The following TMCC1 variants were observed in gnomAD, a reference collection of about 807,000 sequenced individuals.
TMCC1 encodes transmembrane and coiled-coil domain family 1, also known as transmembrane and coiled-coil domains protein 1.
A neutral mutation model predicts 52.4 loss-of-function variants in TMCC1; 15 were observed. That is an observed-to-expected ratio of 0.29 (90% CI 0.19 to 0.44). The LOEUF is 0.44. TMCC1 is among the 20% of genes least tolerant of loss of function. The pLI, the probability that TMCC1 is intolerant of heterozygous loss-of-function variation, is 1.00. For synonymous variants in TMCC1, 279 were observed against 301.9 expected (o/e 0.92, Z 0.79); for missense variants, 503 against 806.0 (o/e 0.62, Z 4.55).
intron 4 of TMCC1, among the ~76,000 whole-genome samples, chr3:129,791,997 A>C (rs1403545019): frequency 1.3e-5 from 2 of 152,132 alleles, no homozygotes; most frequent in Non-Finnish European, 2.9e-5. Flanking sequence ...CTTTCAGAAA[A>C]TTTCCAAGAG....
intron 4 of TMCC1, among the ~76,000 whole-genome samples, chr3:129,705,337 T>C (rs1413843740): frequency 1.3e-5 from 2 of 152,096 alleles, no homozygotes; most frequent in South Asian, 2.1e-4. Context: ...CTCAAGTCTT[T>C]GTGACAAATA....
At chr3:129,866,988 AG>A (rs977336371) in intron 2 of TMCC1, 47 of 152,318 alleles carry the variant, frequency 3.1e-4, no homozygotes, top group African/African-American at 1.0e-3. Context: ...ACTATAGGAC[AG>A]GAAAAGTTAT....
rs73206254 is a variant in TMCC1 at position 129,770,772 on chromosome 3, T to A, written c.576+57031A>T. ...GAGTGTGGAAATTTCCTCATACCCA[T>A]AGGATGCATAATCTGACTTTGGATT... On this transcript the variant is annotated intron_variant, in intron 4 of 6. Coordinates refer to ENST00000393238, the MANE Select transcript of TMCC1 (RefSeq NM_001017395.5). Among the ~76,000 whole-genome samples, 1,238 of 152,294 alleles carry A rather than the reference T, an allele frequency of 8.1e-3. 4 individuals are homozygous for A. Among genetic ancestry groups the A allele is most frequent in the Non-Finnish European group, 0.012 (803 of 68,022 alleles).
At chr3:129,739,419 G>T (rs895722990) in intron 4 of TMCC1, among the ~76,000 whole-genome samples, 1 of 152,074 alleles carries the variant, frequency 6.6e-6, no homozygotes, top group African/African-American at 2.4e-5. Context: ...CACCCGCCTC[G>T]GCCTCCCAAA....
chr3:129,736,038 G>C (rs1004795646), intron 4 of TMCC1, among the ~76,000 whole-genome samples: 1 of 152,168 alleles, frequency 6.6e-6, no homozygotes, highest in Admixed American at 6.6e-5. Flanking sequence ...GAGTAGAAAG[G>C]GGAGTTTTAC....
chr3:129,879,588 A>G (rs2061373244), intron 2 of TMCC1, among the ~76,000 whole-genome samples: 1 of 152,246 alleles, frequency 6.6e-6, no homozygotes, highest in Non-Finnish European at 1.5e-5. Flanking sequence ...TAACCCCATG[A>G]GCTGTGTAAA....
intron 4 of TMCC1, among the ~76,000 whole-genome samples, chr3:129,775,849 A>C (rs1193746270): frequency 6.6e-6 from 1 of 152,224 alleles, no homozygotes. Flanking sequence ...AGATCTTTTA[A>C]AAATATAAAT....
chr3:129,748,088 T>A (rs1246258738), intron 4 of TMCC1, among the ~76,000 whole-genome samples: 2 of 152,194 alleles, frequency 1.3e-5, no homozygotes, highest in African/African-American at 4.8e-5. Context: ...AGCAAGTAGG[T>A]CATGTTACAT....
chr3:129,735,865 C>A (rs1168972145), intron 4 of TMCC1, among the ~76,000 whole-genome samples: 1 of 152,164 alleles, frequency 6.6e-6, no homozygotes, highest in Non-Finnish European at 1.5e-5. Flanking sequence ...TTATTTGGCA[C>A]ATCTTGCAGC....
At chr3:129,880,067 G>A (rs1301108398) in intron 2 of TMCC1, among the ~76,000 whole-genome samples, 1 of 152,128 alleles carries the variant, frequency 6.6e-6, no homozygotes, top group Non-Finnish European at 1.5e-5. Flanking sequence ...CCCGTTACTT[G>A]TAAGTCTAAT....
At chr3:129,848,057 C>T (rs2059746923) in intron 2 of TMCC1, 1 of 152,210 alleles carries the variant, frequency 6.6e-6, no homozygotes, top group Admixed American at 6.5e-5. Flanking sequence ...TCTAGATACA[C>T]ATCCTCTGTC....
chr3:129,716,683 G>T (rs867792738), intron 4 of TMCC1, among the ~76,000 whole-genome samples: 61 of 152,026 alleles, frequency 4.0e-4, no homozygotes, highest in African/African-American at 1.3e-3. Flanking sequence ...TGCCCATGAA[G>T]GTGCCAGTGA....
chr3:129,883,771 G>C lies in TMCC1; in HGVS notation c.-434-3212C>G, dbSNP rs2811336. ...AGAGGGATCAATCACTTGAGGCCAG[G>C]AGTTCAAGACTAGCCTGACCAACTT... On this transcript the variant is annotated intron_variant, in intron 1 of 6. Coordinates refer to ENST00000393238, the MANE Select transcript of TMCC1 (RefSeq NM_001017395.5). 6.9e-3 allele frequency among the ~76,000 whole-genome samples: 1,056 copies of C among 152,212 alleles called. 13 individuals carry two copies. Among genetic ancestry groups the C allele is most frequent in the African/African-American group, 0.024 (1,006 of 41,536 alleles).
intron 4 of TMCC1, among the ~76,000 whole-genome samples, chr3:129,768,598 G>T (rs770074147): frequency 6.6e-6 from 1 of 152,108 alleles, no homozygotes; most frequent in Non-Finnish European, 1.5e-5. Context: ...GCACTAAATT[G>T]CAAAGAAAAA....
chr3:129,836,915 A>C (rs2059186983), intron 2 of TMCC1, among the ~76,000 whole-genome samples: 1 of 152,216 alleles, frequency 6.6e-6, no homozygotes, highest in Non-Finnish European at 1.5e-5. Context: ...GGAGCTAATG[A>C]GGGAAGAGCA....
chr3:129,806,423 C>T (rs2057469296), intron 4 of TMCC1, among the ~76,000 whole-genome samples: 1 of 152,158 alleles, frequency 6.6e-6, no homozygotes, highest in Non-Finnish European at 1.5e-5. Flanking sequence ...GACTAATTAC[C>T]ACCACCATCA....
At chr3:129,702,637 A>C (rs1420866680) in intron 4 of TMCC1, among the ~76,000 whole-genome samples, 1 of 152,218 alleles carries the variant, frequency 6.6e-6, no homozygotes, top group Non-Finnish European at 1.5e-5. Flanking sequence ...TATCATTTCC[A>C]AATCCCAGGT....
intron 4 of TMCC1, among the ~76,000 whole-genome samples, chr3:129,675,310 T>G (rs2088321709): frequency 6.6e-6 from 1 of 152,254 alleles, no homozygotes. Flanking sequence ...AGTACAGTAG[T>G]GAAGCATGGA....
At chr3:129,853,791 AAAAACAAAAC>A (rs199572601) in intron 2 of TMCC1, among the ~76,000 whole-genome samples, 1 of 152,114 alleles carries the variant, frequency 6.6e-6, no homozygotes, top group East Asian at 1.9e-4. Flanking sequence ...CTTCCCCCAA[AAAAACAAAAC>A]AAAACAAAAC....
Sources: gnomAD v4.1 joint callset for allele counts (sites outside exome capture counted in the v4.1 genomes callset) on GRCh38, gnomAD v4.1.1 for gene constraint, MANE v1.5 for transcripts, NCBI Gene and HGNC (gene_info 2026-07-23, HGNC 2026-07-21) for gene names.